Variants in LGSN observed in about 807,000 individuals in gnomAD.
The protein encoded by LGSN is lengsin.
In LGSN, 21 loss-of-function variants were observed where a neutral mutation model predicts 19.5. The ratio of observed to expected loss-of-function variants is 1.07; its 90% CI spans 0.76 to 1.55. The LOEUF (loss-of-function observed/expected upper bound fraction) is 1.55, where lower values mean the gene tolerates loss of function less well. Ranked by LOEUF, LGSN falls within the 40% of genes most tolerant of loss-of-function variation. LGSN has a pLI of 0.00. For missense variants in LGSN, 673 were observed against 608.5 expected, an observed-to-expected ratio of 1.11 and a Z score of -1.12; for synonymous variants, 257 against 215.6, an observed-to-expected ratio of 1.19 and a Z score of -1.68.
At chr6:63,479,225 C>T in the LGSN span, among the ~76,000 whole-genome samples, 3 of 152,040 alleles carry the variant, frequency 2.0e-5, no homozygotes, top group African/African-American at 7.2e-5. Context: ...GCTTTCAAAG[C>T]GTATCAGCAA....
the LGSN span, among the ~76,000 whole-genome samples, chr6:63,357,973 A>G: frequency 1.3e-5 from 2 of 152,162 alleles, no homozygotes; most frequent in East Asian, 1.9e-4. Flanking sequence ...TAGGTCTAAC[A>G]TTTAAGTCTT....
At chr6:63,463,397 C>G in the LGSN span, among the ~76,000 whole-genome samples, 1 of 152,056 alleles carries the variant, frequency 6.6e-6, no homozygotes, top group African/African-American at 2.4e-5. Flanking sequence ...ATCTTGTCAC[C>G]TCATTTTGTC....
chr6:63,394,304 A>T, the LGSN span, among the ~76,000 whole-genome samples: 1 of 152,190 alleles, frequency 6.6e-6, no homozygotes, highest in African/African-American at 2.4e-5. Context: ...AGGTTGCAGT[A>T]AAGAAGCTGG....
chr6:63,526,756 A>G, the LGSN span, among the ~76,000 whole-genome samples: 2 of 148,600 alleles, frequency 1.3e-5, no homozygotes, highest in African/African-American at 5.0e-5. Context: ...TCGAGATCAC[A>G]CCACTGCACT....
At chr6:63,470,551 TA>T in the LGSN span, among the ~76,000 whole-genome samples, 2 of 152,144 alleles carry the variant, frequency 1.3e-5, no homozygotes, top group African/African-American at 4.8e-5. Flanking sequence ...ATATATTTTT[TA>T]TTTTAACCTG....
chr6:63,348,790 T>C, the LGSN span, among the ~76,000 whole-genome samples: 1 of 150,308 alleles, frequency 6.7e-6, no homozygotes, highest in South Asian at 2.1e-4. Context: ...GGGGTCTTGC[T>C]GTGTTGCCCG....
the LGSN span, among the ~76,000 whole-genome samples, chr6:63,505,567 AAG>A: frequency 5.2e-4 from 17 of 32,402 alleles, 2 homozygotes; most frequent in African/African-American, 1.2e-3. Flanking sequence ...AAAAAAAAAA[AAG>A]AAAGAAAGAA....
the LGSN span, among the ~76,000 whole-genome samples, chr6:63,456,128 G>C: frequency 1.3e-5 from 2 of 151,684 alleles, no homozygotes; most frequent in African/African-American, 4.8e-5. Context: ...TACCTGGGAG[G>C]CTGAGGCAGG....
At chr6:63,534,349 C>A in the LGSN span, among the ~76,000 whole-genome samples, 1 of 152,004 alleles carries the variant, frequency 6.6e-6, no homozygotes, top group African/African-American at 2.4e-5. Context: ...AAGTTAGGAG[C>A]AATGGTTCTC....
chr6:63,317,618 G>C (rs1768912937), intron 1 of LGSN, among the ~76,000 whole-genome samples: 3 of 152,126 alleles, frequency 2.0e-5, no homozygotes, highest in Non-Finnish European at 4.4e-5. Flanking sequence ...TACAAAACAA[G>C]AATCAGGAGG....
chr6:63,435,310 T>G, the LGSN span, among the ~76,000 whole-genome samples: 1 of 152,210 alleles, frequency 6.6e-6, no homozygotes, highest in African/African-American at 2.4e-5. Context: ...ACAGAGAAAA[T>G]TGAAGTTTAC....
the LGSN span, among the ~76,000 whole-genome samples, chr6:63,367,357 T>C: frequency 6.6e-6 from 1 of 152,146 alleles, no homozygotes; most frequent in East Asian, 1.9e-4. Context: ...TCATTACTGA[T>C]CATCAGAGAA....
the LGSN span, among the ~76,000 whole-genome samples, chr6:63,371,524 G>A: frequency 2.6e-5 from 4 of 152,230 alleles, no homozygotes; most frequent in Middle Eastern, 3.4e-3. Flanking sequence ...TGTAATCTCC[G>A]TTAGAGCCAT....
the LGSN span, among the ~76,000 whole-genome samples, chr6:63,383,861 C>T: frequency 1.3e-5 from 2 of 152,176 alleles, no homozygotes; most frequent in Non-Finnish European, 1.5e-5. Flanking sequence ...ACTGCCTGCA[C>T]TGCAAAGTCA....
At chr6:63,484,070 C>T in the LGSN span, among the ~76,000 whole-genome samples, 1 of 152,166 alleles carries the variant, frequency 6.6e-6, no homozygotes, top group African/African-American at 2.4e-5. Context: ...GGGAGGATTG[C>T]TTGAGCCCAG....
At chr6:63,526,944 T>G in the LGSN span, among the ~76,000 whole-genome samples, 1 of 151,784 alleles carries the variant, frequency 6.6e-6, no homozygotes, top group Non-Finnish European at 1.5e-5. Context: ...CATGATGTTA[T>G]GCACTTCTTC....
chr6:63,295,922 G>T (rs1006450805), intron 1 of LGSN, among the ~76,000 whole-genome samples: 1 of 152,300 alleles, frequency 6.6e-6, no homozygotes, highest in Non-Finnish European at 1.5e-5. Context: ...TTTGAGGAGA[G>T]AGGAAAGTGA....
At chr6:63,441,287 C>G in the LGSN span, 1 of 419,408 alleles carries the variant, frequency 2.4e-6, no homozygotes, top group African/African-American at 2.1e-5. Flanking sequence ...TTAGAAAGAA[C>G]AAGCCGCAGC....
the LGSN span, among the ~76,000 whole-genome samples, chr6:63,326,320 A>G: frequency 6.6e-6 from 1 of 152,204 alleles, no homozygotes; most frequent in African/African-American, 2.4e-5. Context: ...TGGTATATTT[A>G]CAATCCCTGA....
Sources: gnomAD v4.1 joint callset for allele counts (sites outside exome capture counted in the v4.1 genomes callset) on GRCh38, gnomAD v4.1.1 for gene constraint, MANE v1.5 for transcripts, NCBI Gene and HGNC (gene_info 2026-07-23, HGNC 2026-07-21) for gene names.